The following SNX7 variants were observed in gnomAD, a reference collection of about 807,000 sequenced individuals.
The protein encoded by SNX7 is sorting nexin 7.
In SNX7, 35 loss-of-function variants were observed where a neutral mutation model predicts 48.4. The ratio of observed to expected loss-of-function variants is 0.72; its 90% confidence interval spans 0.55 to 0.96. SNX7 has a LOEUF of 0.96. SNX7 is among the 40% of genes least tolerant of loss of function. SNX7 has a pLI of 0.00. For synonymous variants in SNX7, 190 were observed against 190.2 expected (o/e 1.00, Z 0.01); for missense variants, 553 against 548.9 (o/e 1.01, Z -0.07).
At chr1:98,722,223 A>T (rs1652921575) in intron 7 of SNX7, among the ~76,000 whole-genome samples, 1 of 152,162 alleles carries the variant, frequency 6.6e-6, no homozygotes, top group Non-Finnish European at 1.5e-5. Flanking sequence ...GGATAACAAA[A>T]TCTGCAGTGG....
intron 1 of SNX7, among the ~76,000 whole-genome samples, chr1:98,681,045 T>C (rs989119533): frequency 3.9e-5 from 6 of 152,126 alleles, no homozygotes; most frequent in African/African-American, 1.4e-4. Flanking sequence ...GGCATTTGTA[T>C]AGGAAAAGGG....
intron 7 of SNX7, among the ~76,000 whole-genome samples, chr1:98,733,217 CCTAT>C (rs1653607805): frequency 1.2e-5 from 1 of 83,076 alleles, no homozygotes; most frequent in Non-Finnish European, 2.9e-5. Context: ...GCCATCATCT[CCTAT>C]CACACCCTAC....
chr1:98,671,381 T>A (rs1001252495), intron 1 of SNX7, among the ~76,000 whole-genome samples: 2 of 152,122 alleles, frequency 1.3e-5, no homozygotes, highest in African/African-American at 4.8e-5. Context: ...AAAAAGACAA[T>A]TAAAATTATT....
chr1:98,759,797 A>T (rs1363056783), intron 8 of SNX7, among the ~76,000 whole-genome samples: 1 of 152,034 alleles, frequency 6.6e-6, no homozygotes, highest in Admixed American at 6.6e-5. Flanking sequence ...TTCTCTTAAT[A>T]TGGGGTAATA....
chr1:98,726,783 G>C lies in SNX7; in HGVS notation c.1126-11454G>C, dbSNP rs76815952. ...CTGTTAAGGTAGAATGCCAGGGAAT[G>C]CCCAGTGCAATGTGAATCTTAAGTC... On this transcript the variant is annotated intron_variant, in intron 7 of 8. Coordinates refer to ENST00000306121, the MANE Select transcript of SNX7 (RefSeq NM_015976.5). Among the ~76,000 whole-genome samples the C allele has an allele frequency of 3.2e-3, 483 of 152,292 alleles. 3 individuals carry two copies. The highest frequency in any genetic ancestry group is 0.011 in the African/African-American group (462 of 41,546).
chr1:98,688,546 AACTG>A (rs1273341741), intron 2 of SNX7, among the ~76,000 whole-genome samples: 8 of 152,324 alleles, frequency 5.3e-5, no homozygotes, highest in African/African-American at 7.2e-5. Flanking sequence ...TGATTGGCTG[AACTG>A]ACTATTAAGT....
intron 7 of SNX7, among the ~76,000 whole-genome samples, chr1:98,720,035 T>C (rs1458101607): frequency 6.6e-6 from 1 of 151,694 alleles, no homozygotes; most frequent in East Asian, 1.9e-4. Context: ...CTTCGAAATA[T>C]ACTTAATTCG....
At chr1:98,662,218 C>A (rs1649276205) in intron 1 of SNX7, 2 of 234,898 alleles carry the variant, frequency 8.5e-6, no homozygotes, top group Non-Finnish European at 1.6e-5. Flanking sequence ...TTCTCTGACA[C>A]AGACATCTTC....
At chr1:98,679,493 C>T (rs965914026) in intron 1 of SNX7, among the ~76,000 whole-genome samples, 2 of 152,122 alleles carry the variant, frequency 1.3e-5, no homozygotes, top group African/African-American at 2.4e-5. Context: ...CTCATTTCAG[C>T]ATTAACTCAA....
At chr1:98,728,708 A>G (rs1175365389) in intron 7 of SNX7, among the ~76,000 whole-genome samples, 1 of 152,160 alleles carries the variant, frequency 6.6e-6, no homozygotes, top group South Asian at 2.1e-4. Context: ...AGGGTATTAC[A>G]TAATGGTAAA....
At chr1:98,686,145 A>G (rs1650783965) in intron 2 of SNX7, among the ~76,000 whole-genome samples, 1 of 152,170 alleles carries the variant, frequency 6.6e-6, no homozygotes, top group Non-Finnish European at 1.5e-5. Context: ...AGTTTTCAAT[A>G]TACAACTCAA....
At chr1:98,759,476 T>C (rs2101067222) in intron 8 of SNX7, among the ~76,000 whole-genome samples, 1 of 152,170 alleles carries the variant, frequency 6.6e-6, no homozygotes, top group South Asian at 2.1e-4. Flanking sequence ...CATTAATAAC[T>C]AAGTCTTTCC....
intron 8 of SNX7, among the ~76,000 whole-genome samples, chr1:98,738,993 C>T (rs947391168): frequency 2.0e-5 from 3 of 151,030 alleles, no homozygotes; most frequent in South Asian, 2.2e-4. Context: ...ATTACATTAA[C>T]AAAATTATGT....
intron 7 of SNX7, among the ~76,000 whole-genome samples, chr1:98,717,531 G>A (rs1215246415): frequency 6.6e-6 from 1 of 152,006 alleles, no homozygotes; most frequent in Non-Finnish European, 1.5e-5. Context: ...TCTAATCCCA[G>A]AACAATCCTC....
At chr1:98,724,015 T>C (rs1318921043) in intron 7 of SNX7, among the ~76,000 whole-genome samples, 2 of 152,150 alleles carry the variant, frequency 1.3e-5, no homozygotes, top group African/African-American at 4.8e-5. Flanking sequence ...TTTTTCCTGA[T>C]TGTAAAGTAA....
chr1:98,716,819 G>A (rs1652615555), intron 7 of SNX7, among the ~76,000 whole-genome samples: 2 of 151,890 alleles, frequency 1.3e-5, no homozygotes, highest in Non-Finnish European at 2.9e-5. Context: ...AGGAATAAAA[G>A]TTTGGTGTTT....
chr1:98,688,157 T>C (rs777577505), intron 2 of SNX7, among the ~76,000 whole-genome samples: 50 of 152,110 alleles, frequency 3.3e-4, no homozygotes, highest in Non-Finnish European at 6.2e-4. Flanking sequence ...CCTGGGAAAA[T>C]CTTAGTTTTG....
At chr1:98,741,102 T>C (rs1486628094) in intron 8 of SNX7, among the ~76,000 whole-genome samples, 2 of 152,180 alleles carry the variant, frequency 1.3e-5, no homozygotes, top group African/African-American at 4.8e-5. Flanking sequence ...AGTGAAATGT[T>C]CCAGAGGTCA....
At position 98,702,716 on chromosome 1, in the gene SNX7, G is replaced by A. The variant is rs558135946; in HGVS notation, c.1125+813G>A. Among the ~76,000 whole-genome samples, 5 of 152,228 alleles carry A rather than the reference G, an allele frequency of 3.3e-5. No individual in the cohort carries two copies. In the East Asian group the frequency reaches 5.8e-4, roughly 18 times the overall value. On this transcript the variant is annotated intron_variant, in intron 7 of 8. Transcript: ENST00000306121. ...GCAGAATAGGATTGGAGGTGATGACGTCTCTTGCCTGCCTCAGACAGTGCT... is the reference window on the plus strand; with the variant it reads ...GCAGAATAGGATTGGAGGTGATGACATCTCTTGCCTGCCTCAGACAGTGCT...
Sources: gnomAD v4.1 joint callset for allele counts (sites outside exome capture counted in the v4.1 genomes callset) on GRCh38, gnomAD v4.1.1 for gene constraint, MANE v1.5 for transcripts, NCBI Gene and HGNC (gene_info 2026-07-23, HGNC 2026-07-21) for gene names.